Variants in PDSS2 observed in about 807,000 individuals in gnomAD.
The protein encoded by PDSS2 is decaprenyl diphosphate synthase subunit 2, also known as all trans-polyprenyl-diphosphate synthase PDSS2.
A neutral mutation model predicts 44.5 loss-of-function variants in PDSS2; 31 were observed. The observed-to-expected ratio is 0.70, with a 90% CI of 0.52 to 0.94. The LOEUF (loss-of-function observed/expected upper bound fraction) is 0.94. Among genes scored for constraint, PDSS2 ranks in the 40% least tolerant of loss-of-function variants. The pLI, the probability that PDSS2 is intolerant of heterozygous loss-of-function variation, is 0.00. For synonymous variants in PDSS2, 157 were observed against 180.3 expected (o/e 0.87, Z 1.03); for missense variants, 452 against 482.2 (o/e 0.94, Z 0.59).
chr6:107,441,971 G>A (rs1184057515), intron 1 of PDSS2, among the ~76,000 whole-genome samples: 3 of 152,142 alleles, frequency 2.0e-5, no homozygotes, highest in Non-Finnish European at 4.4e-5. Flanking sequence ...AGCCATCCAA[G>A]GATAAAAGGC....
At chr6:107,342,257 T>C (rs1335877609) in intron 1 of PDSS2, among the ~76,000 whole-genome samples, 6 of 152,074 alleles carry the variant, frequency 3.9e-5, no homozygotes, top group African/African-American at 1.4e-4. Context: ...CTCTCCATCT[T>C]ACACATCTCC....
At chr6:107,340,279 TAAACACTAA>T (rs1347226777) in intron 1 of PDSS2, among the ~76,000 whole-genome samples, 1 of 152,072 alleles carries the variant, frequency 6.6e-6, no homozygotes, top group Admixed American at 6.5e-5. Flanking sequence ...AGATAAAGAG[TAAACACTAA>T]TAACACTAAT....
intron 3 of PDSS2, among the ~76,000 whole-genome samples, chr6:107,258,905 T>C (rs769982502): frequency 5.9e-5 from 9 of 152,226 alleles, no homozygotes; most frequent in Non-Finnish European, 1.3e-4. Flanking sequence ...AATTCCAGGA[T>C]TGATAACTGC....
chr6:107,164,345 T>G (rs1228735618), intron 7 of PDSS2, among the ~76,000 whole-genome samples: 1 of 152,056 alleles, frequency 6.6e-6, no homozygotes, highest in African/African-American at 2.4e-5. Flanking sequence ...GGCCCTGGTG[T>G]GTGATGTTCC....
intron 2 of PDSS2, among the ~76,000 whole-genome samples, chr6:107,298,831 G>C (rs1420228661): frequency 2.0e-5 from 3 of 152,066 alleles, no homozygotes; most frequent in African/African-American, 7.2e-5. Context: ...CATAGCAAAT[G>C]AAGTTAACAA....
intron 1 of PDSS2, among the ~76,000 whole-genome samples, chr6:107,356,626 T>C (rs763870505): frequency 2.6e-5 from 4 of 152,234 alleles, no homozygotes; most frequent in Non-Finnish European, 5.9e-5. Context: ...TAGATTGTGG[T>C]AATAGTTCTT....
At chr6:107,332,556 G>T (rs1777746471) in intron 2 of PDSS2, among the ~76,000 whole-genome samples, 1 of 151,850 alleles carries the variant, frequency 6.6e-6, no homozygotes, top group Admixed American at 6.6e-5. Flanking sequence ...ATGCTAGTCT[G>T]ATCTATAACT....
chr6:107,238,405 A>G (rs1774301969), intron 4 of PDSS2, among the ~76,000 whole-genome samples: 1 of 151,956 alleles, frequency 6.6e-6, no homozygotes, highest in Non-Finnish European at 1.5e-5. Flanking sequence ...ACTTTTTTAC[A>G]GTGAAAGGAT....
At chr6:107,291,960 C>T (rs530083579) in intron 2 of PDSS2, among the ~76,000 whole-genome samples, 2 of 152,234 alleles carry the variant, frequency 1.3e-5, no homozygotes, top group East Asian at 3.9e-4. Context: ...ATGACCAGGC[C>T]TTACTTCCAG....
intron 1 of PDSS2, among the ~76,000 whole-genome samples, chr6:107,410,330 T>C (rs1391303403): frequency 2.0e-5 from 3 of 152,184 alleles, no homozygotes; most frequent in African/African-American, 7.2e-5. Flanking sequence ...ACCCCACTGG[T>C]AATCAATCTT....
At chr6:107,399,005 T>C (rs931566963) in intron 1 of PDSS2, among the ~76,000 whole-genome samples, 3 of 152,196 alleles carry the variant, frequency 2.0e-5, no homozygotes, top group Non-Finnish European at 4.4e-5. Flanking sequence ...ATCTACCACA[T>C]ATTATCCAAG....
At chr6:107,440,492 G>A (rs1463902957) in intron 1 of PDSS2, among the ~76,000 whole-genome samples, 1 of 152,216 alleles carries the variant, frequency 6.6e-6, no homozygotes, top group Non-Finnish European at 1.5e-5. Context: ...ATAGAACACA[G>A]CTTATGAGCC....
At chr6:107,436,503 G>A (rs1294339089) in intron 1 of PDSS2, among the ~76,000 whole-genome samples, 1 of 152,026 alleles carries the variant, frequency 6.6e-6, no homozygotes, top group Non-Finnish European at 1.5e-5. Flanking sequence ...CAGTTACTGA[G>A]TACTGCCTTA....
At chr6:107,343,956 T>A (rs1433913208) in intron 1 of PDSS2, among the ~76,000 whole-genome samples, 1 of 152,212 alleles carries the variant, frequency 6.6e-6, no homozygotes, top group African/African-American at 2.4e-5. Context: ...CACAGATATC[T>A]TTTTAAGACT....
At chr6:107,451,111 C>G (rs1206587642) in intron 1 of PDSS2, among the ~76,000 whole-genome samples, 1 of 152,184 alleles carries the variant, frequency 6.6e-6, no homozygotes, top group Non-Finnish European at 1.5e-5. Flanking sequence ...GGATTACAGG[C>G]GTGAGCCACT....
intron 6 of PDSS2, among the ~76,000 whole-genome samples, chr6:107,206,143 C>G (rs904565665): frequency 2.6e-5 from 4 of 152,214 alleles, no homozygotes; most frequent in Non-Finnish European, 5.9e-5. Context: ...GCGATCTTGG[C>G]TCACTGCAAC....
chr6:107,417,837 G>A (rs1404548009), intron 1 of PDSS2, among the ~76,000 whole-genome samples: 1 of 150,788 alleles, frequency 6.6e-6, no homozygotes, highest in African/African-American at 2.4e-5. Flanking sequence ...ATCACAGCTT[G>A]ATCAATAATA....
rs71803225 is a variant in PDSS2, at chr6:107,228,719, T to TAAAC, written c.703-16441_703-16438dup. On this transcript the variant is annotated intron_variant, in intron 4 of 7. Coordinates refer to ENST00000369037, the MANE Select transcript of PDSS2 (RefSeq NM_020381.4). ...CAAAATAAATAAATAAATAAATAAATAAACAAACAAACAAACAAACAAACA... is the reference window on the plus strand; with the variant it reads ...CAAAATAAATAAATAAATAAATAAATAAACAAACAAACAAACAAACAAACAAACA... 3.4e-4 allele frequency among the ~76,000 whole-genome samples: 46 copies of TAAAC among 135,416 alleles called. 1 individual carries two copies. The highest frequency in any genetic ancestry group is 2.0e-3 in the South Asian group (8 of 4,038). The allele number at this position is 135,416 out of a possible 152,430, so 88.8% of individuals were successfully genotyped here.
chr6:107,364,385 C>T (rs1187422518), intron 1 of PDSS2, among the ~76,000 whole-genome samples: 2 of 151,584 alleles, frequency 1.3e-5, no homozygotes, highest in East Asian at 1.9e-4. Flanking sequence ...CCCAGCCCTG[C>T]CCCGCGGGAA....
Sources: gnomAD v4.1 joint callset for allele counts (sites outside exome capture counted in the v4.1 genomes callset) on GRCh38, gnomAD v4.1.1 for gene constraint, MANE v1.5 for transcripts, NCBI Gene and HGNC (gene_info 2026-07-23, HGNC 2026-07-21) for gene names.